Variants in TRPM3 observed in about 807,000 individuals in gnomAD.
TRPM3 encodes transient receptor potential cation channel subfamily M member 3.
Under a neutral mutation model 181.2 loss-of-function variants are expected in TRPM3, and 77 were observed. The observed-to-expected ratio is 0.42, with a 90% confidence interval of 0.35 to 0.51. TRPM3 has a LOEUF of 0.51. Among genes scored for constraint, TRPM3 ranks in the 20% least tolerant of loss-of-function variants. The probability of loss-of-function intolerance (pLI) is 0.01; values close to 1 mark genes in which losing one functional copy is unlikely to be tolerated. For synonymous variants in TRPM3, 745 were observed against 796.4 expected (o/e 0.94, Z 1.09); for missense variants, 1,759 against 2,196.7 (o/e 0.80, Z 3.98).
chr9:71,276,224 C>G (rs1359600800), intron 1 of TRPM3, among the ~76,000 whole-genome samples: 12 of 152,172 alleles, frequency 7.9e-5, no homozygotes, highest in Admixed American at 3.3e-4. Flanking sequence ...ACCGTACACA[C>G]AAATCAATTC....
intron 8 of TRPM3, among the ~76,000 whole-genome samples, chr9:70,742,432 G>C (rs1173127126): frequency 6.6e-6 from 1 of 151,736 alleles, no homozygotes; most frequent in Non-Finnish European, 1.5e-5. Flanking sequence ...TCATTGCTCT[G>C]TGTTGGGAAC....
intron 6 of TRPM3, among the ~76,000 whole-genome samples, chr9:70,787,763 C>CTTTTTTTTTTTTTTTTTTTTTCTTTTT (rs2084071076): frequency 1.5e-5 from 1 of 68,556 alleles, no homozygotes; most frequent in Non-Finnish European, 2.6e-5. Context: ...TTTTTGGATT[C>CTTTTTTTTTTTTTTTTTTTTTCTTTTT]TTTTTTTTTT....
rs7853385 is a variant in TRPM3 at position 70,534,981 on chromosome 9, C to T, written c.*972G>A. On this transcript the variant is annotated 3_prime_UTR_variant, in exon 26 of 26. Transcript: ENST00000677713. ...ACAGCAGCACAACACACGACATGAA[C>T]GGTGAGAACAGAACATCCCACATGG... 0.11 allele frequency: 17,000 copies of T among 152,578 alleles called. 1,214 individuals carry two copies. Among genetic ancestry groups the T allele is most frequent in the South Asian group, 0.3 (1,512 of 4,966 alleles). 9.5% of individuals were successfully genotyped at this position (152,578 alleles called of 1,614,324 possible).
intron 22 of TRPM3, among the ~76,000 whole-genome samples, chr9:70,558,087 G>C (rs376004988): frequency 6.6e-6 from 1 of 152,130 alleles, no homozygotes. Context: ...TGATCAATCA[G>C]CTCAATAAGC....
chr9:71,322,332 A>T (rs2089299624), intron 1 of TRPM3, among the ~76,000 whole-genome samples: 1 of 152,160 alleles, frequency 6.6e-6, no homozygotes, highest in Non-Finnish European at 1.5e-5. Flanking sequence ...AAACCACACA[A>T]ATGATTCATC....
At chr9:71,046,293 A>G (rs915728838) in intron 1 of TRPM3, among the ~76,000 whole-genome samples, 1 of 152,080 alleles carries the variant, frequency 6.6e-6, no homozygotes, top group Non-Finnish European at 1.5e-5. Context: ...CCTTTTCTAC[A>G]CTTTTATGAC....
intron 1 of TRPM3, among the ~76,000 whole-genome samples, chr9:71,273,326 A>T (rs571401464): frequency 1.3e-5 from 2 of 152,230 alleles, no homozygotes; most frequent in Admixed American, 1.3e-4. Context: ...CAGCAAAGCC[A>T]TAATTACTGC....
chr9:70,535,795 G>T lies in TRPM3; in HGVS notation c.*158C>A. 1 of 1,492,070 alleles carries T rather than the reference G, an allele frequency of 6.7e-7. No individual in the cohort carries two copies. The highest frequency in any genetic ancestry group is 2.4e-5 in the Admixed American group (1 of 42,000). 92.4% of individuals were successfully genotyped at this position (1,492,070 alleles called of 1,614,324 possible). On this transcript the variant is annotated 3_prime_UTR_variant, in exon 26 of 26. Coordinates refer to ENST00000677713, the MANE Select transcript of TRPM3 (RefSeq NM_001366145.2). Reference sequence around the variant, plus strand: ...AGATCAAATGCTTTCTTGATCTGTGGCCCAGAAGTCACCTTTGAGTTAACA... The same window carrying T: ...AGATCAAATGCTTTCTTGATCTGTGTCCCAGAAGTCACCTTTGAGTTAACA...
rs543987372 is a variant in TRPM3 at position 70,559,828 on chromosome 9, A to T, written c.3224-6518T>A. 3.5e-4 allele frequency among the ~76,000 whole-genome samples: 53 copies of T among 152,224 alleles called. No homozygotes were observed. In the South Asian group the frequency reaches 0.01, roughly 30 times the overall value. On this transcript the variant is annotated intron_variant, in intron 22 of 25. Coordinates refer to ENST00000677713, the MANE Select transcript of TRPM3 (RefSeq NM_001366145.2). ...ACCTCACAGTTGCCCAGGAACCAAA[A>T]AGGGTCAGAATAGGACATCCTACTT...
chr9:71,114,529 C>T (rs2134262197), intron 1 of TRPM3, among the ~76,000 whole-genome samples: 1 of 152,186 alleles, frequency 6.6e-6, no homozygotes, highest in South Asian at 2.1e-4. Context: ...TATAATTATG[C>T]TTTTCCAAAT....
chr9:71,022,734 T>G (rs542468593), intron 1 of TRPM3, among the ~76,000 whole-genome samples: 1 of 151,996 alleles, frequency 6.6e-6, no homozygotes, highest in South Asian at 2.1e-4. Flanking sequence ...TACAGCATAA[T>G]AAAATAAAAT....
At chr9:70,566,289 A>T (rs191503965) in intron 22 of TRPM3, among the ~76,000 whole-genome samples, 13 of 152,206 alleles carry the variant, frequency 8.5e-5, no homozygotes, top group Admixed American at 7.9e-4. Flanking sequence ...CCAACCTCAG[A>T]TGAGGGAGTT....
intron 1 of TRPM3, among the ~76,000 whole-genome samples, chr9:71,406,901 G>C (rs1291112699): frequency 6.6e-6 from 1 of 152,038 alleles, no homozygotes; most frequent in Non-Finnish European, 1.5e-5. Context: ...CTTAATATGG[G>C]GAATTCAGGG....
intron 1 of TRPM3, among the ~76,000 whole-genome samples, chr9:70,965,658 T>C (rs2097177950): frequency 1.3e-5 from 2 of 152,124 alleles, no homozygotes; most frequent in African/African-American, 4.8e-5. Flanking sequence ...AGCTTTTTGA[T>C]ATGCTGCTGG....
At chr9:71,171,236 T>C (rs2076837205) in intron 1 of TRPM3, among the ~76,000 whole-genome samples, 1 of 152,234 alleles carries the variant, frequency 6.6e-6, no homozygotes, top group African/African-American at 2.4e-5. Flanking sequence ...ATTTTAATTT[T>C]GCCCCAGTCC....
At chr9:71,333,336 T>C (rs2090343107) in intron 1 of TRPM3, among the ~76,000 whole-genome samples, 1 of 152,000 alleles carries the variant, frequency 6.6e-6, no homozygotes, top group Non-Finnish European at 1.5e-5. Context: ...ATAGCATTCA[T>C]GCCCTTGGAT....
At chr9:70,608,840 CTAAA>C (rs1296388120) in intron 19 of TRPM3, among the ~76,000 whole-genome samples, 2 of 151,834 alleles carry the variant, frequency 1.3e-5, no homozygotes, top group African/African-American at 2.4e-5. Context: ...AGTTTGTCTC[CTAAA>C]TAAATAAATA....
At position 71,210,781 on chromosome 9, in the gene TRPM3, G is replaced by A. The variant is rs868779042; in HGVS notation, c.183+235872C>T. Among the ~76,000 whole-genome samples, 6 of 152,258 alleles carry A rather than the reference G, an allele frequency of 3.9e-5. No individual in the cohort carries two copies. In the East Asian group the frequency reaches 7.7e-4, roughly 20 times the overall value. On this transcript the variant is annotated intron_variant, in intron 1 of 24. Coordinates refer to the TRPM3 transcript ENST00000357533. The stretch of plus-strand genomic sequence containing the variant: ...AACAGAAATCTGCTTCTTACAATTC[G>A]GGAGGATGAAAAGGGAAAGTCTAAG...
At chr9:70,898,336 A>T (rs538974035) in intron 1 of TRPM3, among the ~76,000 whole-genome samples, 1 of 151,274 alleles carries the variant, frequency 6.6e-6, no homozygotes, top group East Asian at 2.0e-4. Context: ...GTTAGCCAGG[A>T]TGGTCTCGAT....
Sources: gnomAD v4.1 joint callset for allele counts (sites outside exome capture counted in the v4.1 genomes callset) on GRCh38, gnomAD v4.1.1 for gene constraint, MANE v1.5 for transcripts, NCBI Gene and HGNC (gene_info 2026-07-23, HGNC 2026-07-21) for gene names.